KIF27: variants seen among roughly 807,000 people sequenced by gnomAD.
KIF27 encodes kinesin-like protein KIF27.
Under a neutral mutation model 141.8 loss-of-function variants are expected in KIF27, and 84 were observed. The observed-to-expected ratio is 0.59, with a 90% confidence interval of 0.50 to 0.71. KIF27 has a LOEUF of 0.71. Ranked by LOEUF, KIF27 falls within the 30% of genes least tolerant of loss-of-function variation. The probability of loss-of-function intolerance (pLI) is 0.00; values close to 1 mark genes in which losing one functional copy is unlikely to be tolerated. For missense variants in KIF27, 1,306 were observed against 1,628.4 expected, an observed-to-expected ratio of 0.80 and a Z score of 3.41; for synonymous variants, 471 against 569.5, an observed-to-expected ratio of 0.83 and a Z score of 2.46.
chr9:83,882,287 G>T (rs1334379384), intron 10 of KIF27, among the ~76,000 whole-genome samples: 1 of 152,030 alleles, frequency 6.6e-6, no homozygotes, highest in Non-Finnish European at 1.5e-5. Flanking sequence ...ATTTGAGCCT[G>T]GGAGGAGGCA....
intron 16 of KIF27, among the ~76,000 whole-genome samples, chr9:83,843,249 A>G (rs1946803697): frequency 6.8e-6 from 1 of 147,408 alleles, no homozygotes; most frequent in Admixed American, 6.9e-5. Context: ...AATCCAGCAT[A>G]AAGTTCTAGT....
chr9:83,876,522 C>G (rs1951214470), intron 11 of KIF27, among the ~76,000 whole-genome samples: 1 of 152,272 alleles, frequency 6.6e-6, no homozygotes, highest in East Asian at 1.9e-4. Context: ...CAATCCTTAT[C>G]AAAATTCCAA....
chr9:83,860,440 C>T (rs1254154158), intron 13 of KIF27, among the ~76,000 whole-genome samples: 4 of 152,140 alleles, frequency 2.6e-5, no homozygotes, highest in Non-Finnish European at 5.9e-5. Context: ...TACTCTACTT[C>T]CCAACCTCCT....
At chr9:83,850,036 T>C in intron 16 of KIF27, 63 bp downstream of exon 16, 1 of 1,383,622 alleles carries the variant, frequency 7.2e-7, no homozygotes, top group South Asian at 1.2e-5. Flanking sequence ...AATTCTGTCC[T>C]ATCTTCCTTC....
At chr9:83,855,755 G>T (rs1949127977) in intron 14 of KIF27, among the ~76,000 whole-genome samples, 1 of 152,162 alleles carries the variant, frequency 6.6e-6, no homozygotes. Context: ...GTTCAGTGAG[G>T]ACTTTACTGT....
At chr9:83,908,747 ATATAT>A (rs1159223974) in intron 2 of KIF27, 95 bp from the exon 3 acceptor site, 9 of 696,842 alleles carry the variant, frequency 1.3e-5, no homozygotes, top group East Asian at 3.0e-5. Flanking sequence ...CTACATTTCT[ATATAT>A]TATAACTTTT....
At chr9:83,857,966 G>GTTTTTTTTTTTTTTTTTTTT (rs373203891) in intron 14 of KIF27, among the ~76,000 whole-genome samples, 1 of 123,352 alleles carries the variant, frequency 8.1e-6, no homozygotes, top group Non-Finnish European at 1.7e-5. Context: ...AATACTTTGG[G>GTTTTTTTTTTTTTTTTTTTT]TTTTTTTTTT....
At chr9:83,862,427 G>T (rs890417104) in intron 13 of KIF27, among the ~76,000 whole-genome samples, 181 of 151,910 alleles carry the variant, frequency 1.2e-3, no homozygotes, top group Non-Finnish European at 1.8e-3. Flanking sequence ...ATTTGTTAAA[G>T]AGGGAATCCT....
intron 1 of KIF27, among the ~76,000 whole-genome samples, chr9:83,917,021 T>C (rs1022307917): frequency 6.6e-6 from 1 of 151,998 alleles, no homozygotes. Flanking sequence ...CTAGGGTACA[T>C]GTGCACAACG....
At position 83,859,188 on chromosome 9, in the gene KIF27, T is replaced by G. The variant is rs1949601520; in HGVS notation, c.3118A>C (p.Lys1040Gln). The G allele has an allele frequency of 6.2e-7, 1 of 1,613,978 alleles. No individual in the cohort carries two copies. The highest frequency in any genetic ancestry group is 1.3e-5 in the African/African-American group (1 of 74,946). Residue 1040 changes from lysine (K) to glutamine (Q), a missense_variant, in exon 14 of 18, where the codon AAA (lysine) becomes CAA (glutamine). Physicochemically the swap from Lys to Gln is moderately conservative, Grantham distance 53. Transcript: ENST00000297814. Reference sequence around the variant, plus strand: ...GATAACACTCTACCATTTTTAAGTTTTTCATCCACATTGTGTCTGCGTTTC... The same window carrying G: ...GATAACACTCTACCATTTTTAAGTTGTTCATCCACATTGTGTCTGCGTTTC... ...LQKRRHNVDE[K>Q]LKNGRVLSPE...
In KIF27 at chr9:83,903,140, T is replaced by G; in HGVS notation, c.1378A>C (p.Ile460Leu). ...TCTTCCAGACTTGCAGTGCCTCCGA[T>G]TCCTCGAAATGAGGTGAGGACAGCC... The part of the protein sequence containing the change: ...RKAVLTSFRG[I>L]GGTASLEEGP... The change falls in exon 4 of 18, where the codon ATC (isoleucine) becomes CTC (leucine). Residue 460 changes from isoleucine (I) to leucine (L), a missense_variant. Ile to Leu is a conservative substitution (Grantham distance 5, BLOSUM62 2). This residue lies in a region of KIF27 where 533 missense variants were observed against 565.6 expected (regional missense o/e 0.94). Coordinates refer to ENST00000297814, the MANE Select transcript of KIF27 (RefSeq NM_017576.4). The G allele has an allele frequency of 1.9e-6, 3 of 1,614,210 alleles. No individual in the cohort carries two copies. Among genetic ancestry groups the G allele is most frequent in the Non-Finnish European group, 2.5e-6 (3 of 1,180,036 alleles).
rs776787113 is a variant in KIF27, at chr9:83,903,250, A to C, written c.1268T>G (p.Val423Gly). The C allele has an allele frequency of 7.4e-6, 12 of 1,614,160 alleles. No individual in the cohort carries two copies. The South Asian group carries it at 1.3e-4, about 18-fold the overall frequency. The change falls in exon 4 of 18, where the codon GTT becomes GGT. Residue 423 changes from valine (V) to glycine (G), a missense_variant. Val to Gly is a moderately radical substitution (Grantham distance 109). Around this residue, in one of 4 missense-constraint regions of KIF27, gnomAD observed 533 missense variants for 565.6 expected, o/e 0.94. Coordinates refer to ENST00000297814, the MANE Select transcript of KIF27 (RefSeq NM_017576.4). ...TAGTCTGACAGTATCTTTTAGGTCA[A>C]CCAGGAAGGTAAAGGCTTCTTCTAC... ...CCVEEAFTFL[V>G]DLKDTVRLNE...
At chr9:83,912,818 G>T (rs1003257497) in intron 2 of KIF27, among the ~76,000 whole-genome samples, 2 of 152,078 alleles carry the variant, frequency 1.3e-5, no homozygotes, top group East Asian at 3.9e-4. Context: ...TAATTCCAAC[G>T]TTCTGAAAAG....
chr9:83,921,407 T>G lies in KIF27; in HGVS notation c.-124A>C, dbSNP rs976440772. 7 of 152,030 alleles carry G rather than the reference T, an allele frequency of 4.6e-5. No individual in the cohort carries two copies. The highest frequency in any genetic ancestry group is 1.7e-4 in the African/African-American group (7 of 41,500). The allele number at this position is 152,030 out of a possible 1,614,324, so 9.4% of individuals were successfully genotyped here. ...AGCCCAGGCCCCTGTCGGCGAGCGC[T>G]GGACTCCTCAGCTTCGCTCTGCCAC... On this transcript the variant is annotated 5_prime_UTR_variant, in exon 1 of 18. Coordinates refer to ENST00000297814, the MANE Select transcript of KIF27 (RefSeq NM_017576.4).
chr9:83,906,011 CAA>C (rs1275687965), intron 3 of KIF27, among the ~76,000 whole-genome samples: 1 of 152,156 alleles, frequency 6.6e-6, no homozygotes, highest in Admixed American at 6.5e-5. Context: ...GTATTTTGAT[CAA>C]GTTTATCAAG....
intron 5 of KIF27, among the ~76,000 whole-genome samples, chr9:83,891,708 AAC>A (rs1229181035): frequency 1.3e-5 from 2 of 152,200 alleles, no homozygotes; most frequent in Admixed American, 6.5e-5. Flanking sequence ...AGGAGCAACA[AAC>A]ACAGCCAAAA....
intron 11 of KIF27, among the ~76,000 whole-genome samples, chr9:83,877,996 C>T (rs1951340014): frequency 6.6e-6 from 1 of 151,600 alleles, no homozygotes; most frequent in South Asian, 2.1e-4. Flanking sequence ...AAACCCGTCT[C>T]TACTAAAAAT....
intron 11 of KIF27, among the ~76,000 whole-genome samples, chr9:83,877,255 G>T (rs1020869466): frequency 2.6e-5 from 4 of 151,870 alleles, no homozygotes; most frequent in Admixed American, 2.0e-4. Flanking sequence ...GTATACAATA[G>T]TCATCATGCT....
chr9:83,914,380 C>T (rs1227834817), intron 2 of KIF27, among the ~76,000 whole-genome samples: 2 of 152,034 alleles, frequency 1.3e-5, no homozygotes, highest in Non-Finnish European at 2.9e-5. Flanking sequence ...TCTTAAGGCT[C>T]CTCCATTTTA....
Sources: allele counts gnomAD v4.1 joint callset (sites outside exome capture counted in the v4.1 genomes callset), GRCh38; gene constraint gnomAD v4.1.1; regional missense constraint gnomAD v4.1.1; transcripts MANE v1.5; gene names NCBI Gene and HGNC (gene_info 2026-07-23, HGNC 2026-07-21).